Variants in PTPRT observed in about 807,000 individuals in gnomAD.
PTPRT encodes receptor-type tyrosine-protein phosphatase T.
In PTPRT, 56 loss-of-function variants were observed where a neutral mutation model predicts 176.8. That is an observed-to-expected ratio of 0.32 (90% CI 0.26 to 0.40). The LOEUF is 0.40. PTPRT is among the 10% of genes least tolerant of loss of function. The pLI, the probability that PTPRT is intolerant of heterozygous loss-of-function variation, is 1.00. For synonymous variants in PTPRT, 783 were observed against 739.0 expected, an observed-to-expected ratio of 1.06 and a Z score of -0.96; for missense variants, 1,540 against 1,908.2, an observed-to-expected ratio of 0.81 and a Z score of 3.60.
chr20:42,219,774 G>A (rs1042581284), intron 15 of PTPRT, among the ~76,000 whole-genome samples: 5 of 152,192 alleles, frequency 3.3e-5, no homozygotes, highest in African/African-American at 1.2e-4. Context: ...CAAACCCGGG[G>A]CTGCCTGAGG....
At chr20:42,792,247 A>C (rs2077387513) in intron 2 of PTPRT, among the ~76,000 whole-genome samples, 2 of 152,176 alleles carry the variant, frequency 1.3e-5, no homozygotes, top group South Asian at 4.1e-4. Context: ...TCTACAATCA[A>C]TGCACAGTTC....
chr20:42,850,545 C>T (rs1380882220), intron 2 of PTPRT, among the ~76,000 whole-genome samples: 2 of 152,186 alleles, frequency 1.3e-5, no homozygotes, highest in Non-Finnish European at 2.9e-5. Context: ...TGTGAATGTG[C>T]CTTCTACAGG....
chr20:42,756,770 C>T lies in PTPRT; in HGVS notation c.685-134G>A, dbSNP rs1362954915. ...TTCCACTATAATAAGGGATTTCCAG[C>T]CAGGCACAGTGGCTCATGCCTGTAA... On this transcript the variant is annotated intron_variant, in intron 5 of 30. Transcript: ENST00000373187. 11 of 760,454 alleles carry T rather than the reference C, an allele frequency of 1.4e-5. No individual in the cohort carries two copies. In the East Asian group the frequency reaches 3.3e-4, roughly 23 times the overall value. The allele number at this position is 760,454 out of a possible 1,614,324, so 47.1% of individuals were successfully genotyped here.
chr20:43,173,689 C>T (rs2015058209), intron 1 of PTPRT, among the ~76,000 whole-genome samples: 1 of 152,152 alleles, frequency 6.6e-6, no homozygotes, highest in South Asian at 2.1e-4. Context: ...TGCTGGGTCC[C>T]CAGTGTGAAA....
chr20:42,795,402 G>T (rs2077439267), intron 2 of PTPRT, among the ~76,000 whole-genome samples: 1 of 152,200 alleles, frequency 6.6e-6, no homozygotes, highest in African/African-American at 2.4e-5. Flanking sequence ...GAGGCAAAAT[G>T]CTTCTCCATA....
chr20:42,833,389 T>G (rs770024289), intron 2 of PTPRT, among the ~76,000 whole-genome samples: 1 of 148,858 alleles, frequency 6.7e-6, no homozygotes, highest in African/African-American at 2.5e-5. Flanking sequence ...CTGGATAACA[T>G]AGCGAGACCC....
At chr20:42,228,571 A>G (rs915787770) in intron 15 of PTPRT, among the ~76,000 whole-genome samples, 24 of 152,254 alleles carry the variant, frequency 1.6e-4, no homozygotes, top group Non-Finnish European at 3.4e-4. Context: ...CCTAAAACCC[A>G]TATAAGACTA....
chr20:42,188,438 G>T (rs1990865809), intron 16 of PTPRT, among the ~76,000 whole-genome samples: 1 of 152,134 alleles, frequency 6.6e-6, no homozygotes, highest in African/African-American at 2.4e-5. Context: ...GTAGCTATGT[G>T]ACCTTGAGCA....
At chr20:42,515,834 G>A in intron 7 of PTPRT, among the ~76,000 whole-genome samples, 1 of 150,674 alleles carries the variant, frequency 6.6e-6, no homozygotes, top group Admixed American at 6.6e-5. Context: ...ATTCACAATA[G>A]CAAAGACTTG....
At chr20:42,979,815 G>A (rs1983166469) in intron 1 of PTPRT, among the ~76,000 whole-genome samples, 1 of 152,054 alleles carries the variant, frequency 6.6e-6, no homozygotes, top group African/African-American at 2.4e-5. Flanking sequence ...TGTAGAGTCA[G>A]GTAGGTTTTG....
intron 13 of PTPRT, among the ~76,000 whole-genome samples, chr20:42,254,073 C>G (rs2056595225): frequency 6.6e-6 from 1 of 152,154 alleles, no homozygotes; most frequent in Admixed American, 6.5e-5. Flanking sequence ...TACATAGGGT[C>G]TAGTTGCCAT....
At chr20:43,079,094 C>A (rs899559297) in intron 1 of PTPRT, among the ~76,000 whole-genome samples, 3 of 152,078 alleles carry the variant, frequency 2.0e-5, no homozygotes, top group African/African-American at 7.2e-5. Flanking sequence ...TTAAGCACGA[C>A]CACCACCTCT....
intron 12 of PTPRT, among the ~76,000 whole-genome samples, chr20:42,291,360 C>A: frequency 6.6e-6 from 1 of 152,176 alleles, no homozygotes; most frequent in East Asian, 1.9e-4. Context: ...AAACATTAGA[C>A]AACCATTCTC....
At chr20:42,968,422 A>G (rs1982425136) in intron 1 of PTPRT, among the ~76,000 whole-genome samples, 1 of 152,192 alleles carries the variant, frequency 6.6e-6, no homozygotes, top group African/African-American at 2.4e-5. Flanking sequence ...ATAGGTGGGT[A>G]GGTGAAGACA....
chr20:42,519,751 GA>G (rs1189987238), intron 7 of PTPRT, among the ~76,000 whole-genome samples: 45 of 151,976 alleles, frequency 3.0e-4, no homozygotes, highest in Non-Finnish European at 5.6e-4. Flanking sequence ...TCCAAACATA[GA>G]ATTCTTTAAT....
At chr20:42,169,716 T>C (rs1441352696) in intron 16 of PTPRT, among the ~76,000 whole-genome samples, 1 of 147,264 alleles carries the variant, frequency 6.8e-6, no homozygotes, top group African/African-American at 2.5e-5. Context: ...AGTGATAGCC[T>C]GGATACCGTG....
intron 8 of PTPRT, among the ~76,000 whole-genome samples, chr20:42,460,666 G>A (rs1424252261): frequency 6.6e-6 from 1 of 152,184 alleles, no homozygotes; most frequent in Admixed American, 6.5e-5. Flanking sequence ...TAGTGAGTGA[G>A]TTCTCAGGAG....
At chr20:43,138,595 T>G (rs1326537925) in intron 1 of PTPRT, among the ~76,000 whole-genome samples, 2 of 152,190 alleles carry the variant, frequency 1.3e-5, no homozygotes, top group Non-Finnish European at 2.9e-5. Context: ...GCCACTGTCA[T>G]GTAACACGGT....
intron 1 of PTPRT, among the ~76,000 whole-genome samples, chr20:43,038,210 A>C (rs1986462415): frequency 6.7e-6 from 1 of 149,892 alleles, no homozygotes; most frequent in Non-Finnish European, 1.5e-5. Flanking sequence ...AAATCTAATA[A>C]AATACGAATT....
Sources: gnomAD v4.1 joint callset for allele counts (sites outside exome capture counted in the v4.1 genomes callset) on GRCh38, gnomAD v4.1.1 for gene constraint, MANE v1.5 for transcripts, NCBI Gene and HGNC (gene_info 2026-07-23, HGNC 2026-07-21) for gene names.